PHF21B: variants seen among roughly 807,000 people sequenced by gnomAD.
PHF21B encodes the protein PHD finger protein 4.
PHF21B carries 22 observed loss-of-function variants against 62.2 expected under a neutral mutation model. The observed-to-expected ratio is 0.35, with a 90% CI of 0.25 to 0.51. PHF21B has a LOEUF of 0.51. Among genes scored for constraint, PHF21B ranks in the 20% least tolerant of loss-of-function variants. The probability of loss-of-function intolerance (pLI) is 0.97; values close to 1 mark genes in which losing one functional copy is unlikely to be tolerated. For missense variants in PHF21B, 701 were observed against 707.9 expected, an observed-to-expected ratio of 0.99 and a Z score of 0.11; for synonymous variants, 341 against 314.7, an observed-to-expected ratio of 1.08 and a Z score of -0.88.
intron 2 of PHF21B, among the ~76,000 whole-genome samples, chr22:44,953,636 G>A (rs79121713): frequency 6.6e-6 from 1 of 152,078 alleles, no homozygotes; most frequent in Non-Finnish European, 1.5e-5. Context: ...GATTCCCCAG[G>A]GGAGGCCCCA....
intron 5 of PHF21B, among the ~76,000 whole-genome samples, chr22:44,898,487 T>A (rs1601578159): frequency 1.3e-5 from 2 of 152,080 alleles, no homozygotes; most frequent in East Asian, 3.9e-4. Context: ...CCATACTTAT[T>A]GGGAATAAGT....
chr22:44,940,137 C>T (rs1259355164), intron 2 of PHF21B, among the ~76,000 whole-genome samples: 1 of 152,228 alleles, frequency 6.6e-6, no homozygotes, highest in Non-Finnish European at 1.5e-5. Flanking sequence ...CTTAAGATGC[C>T]GCACCTCCAC....
chr22:44,893,286 C>T (rs149017447), intron 7 of PHF21B, among the ~76,000 whole-genome samples, 171 bp downstream of exon 7: 40 of 152,294 alleles, frequency 2.6e-4, no homozygotes, highest in African/African-American at 8.9e-4. Context: ...ACTGTCAACT[C>T]GGAGGTGATG....
intron 2 of PHF21B, among the ~76,000 whole-genome samples, chr22:44,932,247 C>G (rs183686772): frequency 5.9e-5 from 9 of 152,280 alleles, no homozygotes; most frequent in Non-Finnish European, 1.2e-4. Flanking sequence ...GATTGGGGGG[C>G]GAATGCCCCA....
chr22:44,925,598 T>C (rs136683), intron 2 of PHF21B, among the ~76,000 whole-genome samples: 152,304 of 152,304 alleles, frequency 1, 76,152 homozygotes, highest in Non-Finnish European at 1. Flanking sequence ...ACAGAGCTTT[T>C]TATGCAATGC....
At chr22:44,884,791 C>T (rs910634872) in intron 12 of PHF21B, among the ~76,000 whole-genome samples, 4 of 151,828 alleles carry the variant, frequency 2.6e-5, no homozygotes, top group Non-Finnish European at 4.4e-5. Context: ...ACCACCATTA[C>T]GACCAACACC....
intron 2 of PHF21B, among the ~76,000 whole-genome samples, chr22:44,956,808 G>A (rs2072307072): frequency 6.6e-6 from 1 of 152,174 alleles, no homozygotes; most frequent in African/African-American, 2.4e-5. Flanking sequence ...AGGGACAGAG[G>A]CCCCTCCACG....
intron 2 of PHF21B, among the ~76,000 whole-genome samples, chr22:44,985,502 C>T (rs1184115735): frequency 6.6e-6 from 1 of 151,910 alleles, no homozygotes; most frequent in Non-Finnish European, 1.5e-5. Flanking sequence ...GGAGGCTGAA[C>T]CAGGAGGATC....
At chr22:44,894,767 G>C (rs938536893) in intron 6 of PHF21B, among the ~76,000 whole-genome samples, 3 of 152,174 alleles carry the variant, frequency 2.0e-5, no homozygotes, top group African/African-American at 7.2e-5. Flanking sequence ...TGCTGCCAGA[G>C]AGCAAGTCAG....
At chr22:44,905,084 C>T (rs2071225131) in intron 5 of PHF21B, among the ~76,000 whole-genome samples, 1 of 152,198 alleles carries the variant, frequency 6.6e-6, no homozygotes, top group South Asian at 2.1e-4. Flanking sequence ...GACTTAAAAA[C>T]TCACACTGAT....
chr22:44,923,840 T>A (rs1036280535), intron 2 of PHF21B, among the ~76,000 whole-genome samples: 1 of 150,942 alleles, frequency 6.6e-6, no homozygotes, highest in African/African-American at 2.5e-5. Context: ...CAATATAGTC[T>A]CTAGAAAAAA....
At chr22:44,933,427 G>C in intron 2 of PHF21B, 1 of 980,836 alleles carries the variant, frequency 1.0e-6, no homozygotes, top group African/African-American at 1.7e-5. Context: ...ATTTCCTGAA[G>C]CCATTGGCAC....
Position 45,008,601 on chromosome 22 carries a change from G to A in PHF21B, c.64C>T (p.Leu22Phe), listed in dbSNP as rs1447631771. The change falls in exon 2 of 13, where the codon CTC becomes TTC. Residue 22 changes from leucine to phenylalanine, a missense_variant. Leu to Phe is a conservative substitution (Grantham distance 22, BLOSUM62 0). Transcript: ENST00000313237. Reference sequence around the variant, plus strand: ...TGCCTTTCGTGGAGCTGCTTCTTGAGGTCGCCGTTCTGCGGAAACACGGAG... The same window carrying A: ...TGCCTTTCGTGGAGCTGCTTCTTGAAGTCGCCGTTCTGCGGAAACACGGAG... Reference protein sequence around the residue: ...VELARHQNGDLKKQLHERQPR... With the variant: ...VELARHQNGDFKKQLHERQPR... The A allele has an allele frequency of 2.5e-6, 4 of 1,589,000 alleles. No homozygotes were observed. The South Asian group carries it at 4.6e-5, about 18-fold the overall frequency.
intron 2 of PHF21B, among the ~76,000 whole-genome samples, chr22:44,953,159 C>T (rs563590233): frequency 6.6e-6 from 1 of 152,274 alleles, no homozygotes; most frequent in South Asian, 2.1e-4. Context: ...CCCCACAGGA[C>T]TCTTCTCTCG....
At chr22:44,898,115 T>C (rs114041247) in intron 5 of PHF21B, among the ~76,000 whole-genome samples, 1,688 of 152,296 alleles carry the variant, frequency 0.011, 39 homozygotes, top group African/African-American at 0.039. Context: ...GCCCTTTGTT[T>C]TCTGTCCCAG....
chr22:44,895,591 T>C (rs1398406141), intron 6 of PHF21B, among the ~76,000 whole-genome samples: 1 of 152,096 alleles, frequency 6.6e-6, no homozygotes, highest in East Asian at 1.9e-4. Flanking sequence ...ATTTTATACA[T>C]GAAGAGACTG....
rs116444088 is a variant in PHF21B at position 44,909,414 on chromosome 22, C to G, written c.831+4408G>C. On this transcript the variant is annotated intron_variant, in intron 5 of 12. Coordinates refer to ENST00000313237, the MANE Select transcript of PHF21B (RefSeq NM_138415.5). ...CACAGTGCACCTGCAGGTGCAGACA[C>G]TGCCACAGAATGGAACGGACTTTCT... is the stretch of plus-strand genomic sequence containing the variant. Among the ~76,000 whole-genome samples the G allele has an allele frequency of 5.0e-3, 766 of 152,324 alleles. 5 individuals carry two copies. The highest frequency in any genetic ancestry group is 0.018 in the African/African-American group (730 of 41,576).
At chr22:44,976,906 G>A (rs562407966) in intron 2 of PHF21B, among the ~76,000 whole-genome samples, 1 of 152,346 alleles carries the variant, frequency 6.6e-6, no homozygotes, top group East Asian at 1.9e-4. Context: ...AGGAGGCCCA[G>A]GTGTGAGGAC....
chr22:44,982,655 G>C (rs1208509438), intron 2 of PHF21B, among the ~76,000 whole-genome samples: 2 of 152,200 alleles, frequency 1.3e-5, no homozygotes, highest in African/African-American at 4.8e-5. Flanking sequence ...CGTCAAATGA[G>C]GCTGTCGATT....
Sources: gnomAD v4.1 joint callset for allele counts (sites outside exome capture counted in the v4.1 genomes callset) on GRCh38, gnomAD v4.1.1 for gene constraint, MANE v1.5 for transcripts, NCBI Gene and HGNC (gene_info 2026-07-23, HGNC 2026-07-21) for gene names.